VEPH1: variants seen among roughly 807,000 people sequenced by gnomAD.
VEPH1 encodes ventricular zone-expressed PH domain-containing protein homolog 1.
In VEPH1, 80 loss-of-function variants were observed where a neutral mutation model predicts 85.2. The ratio of observed to expected loss-of-function variants is 0.94; its 90% CI spans 0.78 to 1.13. The LOEUF is 1.13. Ranked by LOEUF, VEPH1 falls within the 50% of genes most tolerant of loss-of-function variation. The pLI, the probability that VEPH1 is intolerant of heterozygous loss-of-function variation, is 0.00. For missense variants in VEPH1, 955 were observed against 980.5 expected (o/e 0.97, Z 0.35); for synonymous variants, 297 against 348.0 (o/e 0.85, Z 1.63).
At chr3:157,325,942 T>A (rs1296774495) in intron 9 of VEPH1, among the ~76,000 whole-genome samples, 1 of 152,230 alleles carries the variant, frequency 6.6e-6, no homozygotes, top group Non-Finnish European at 1.5e-5. Flanking sequence ...ATTTTCATGA[T>A]ATTGATTTTT....
At chr3:157,370,282 G>T (rs1166409160) in intron 7 of VEPH1, among the ~76,000 whole-genome samples, 2 of 152,104 alleles carry the variant, frequency 1.3e-5, no homozygotes, top group East Asian at 1.9e-4. Context: ...GCTGGCAGGG[G>T]GTGGAAAGAT....
chr3:157,407,259 G>T (rs1248509724), intron 6 of VEPH1, among the ~76,000 whole-genome samples: 1 of 152,140 alleles, frequency 6.6e-6, no homozygotes, highest in Non-Finnish European at 1.5e-5. Flanking sequence ...TAGTTTAAGA[G>T]TTTTTAAAAA....
chr3:157,360,335 G>A (rs760023821), intron 9 of VEPH1, among the ~76,000 whole-genome samples: 3 of 152,108 alleles, frequency 2.0e-5, no homozygotes, highest in Non-Finnish European at 2.9e-5. Flanking sequence ...AGGAAATTCC[G>A]AGAGTATGAA....
intron 13 of VEPH1, among the ~76,000 whole-genome samples, chr3:157,262,872 A>G (rs1225918269): frequency 1.3e-5 from 2 of 152,208 alleles, no homozygotes; most frequent in Non-Finnish European, 2.9e-5. Context: ...AATTTGGTTT[A>G]CAGTAAGTAT....
rs148289754 is a variant in VEPH1 at position 157,477,373 on chromosome 3, C to A, written c.139-6844G>T. On this transcript the variant is annotated intron_variant, in intron 2 of 13. Transcript: ENST00000362010. ...CCCTTGATTATATTGGGCCCACCCA[C>A]ATAATCCAAGATGATCTCCCAATCT... 6.0e-3 allele frequency among the ~76,000 whole-genome samples: 909 copies of A among 152,194 alleles called. 33 individuals carry two copies. The highest frequency in any genetic ancestry group is 0.056 in the Admixed American group (849 of 15,278).
chr3:157,265,676 C>A lies in VEPH1; in HGVS notation c.2129-14G>T, dbSNP rs6798603. 4.7e-3 allele frequency: 7,598 copies of A among 1,611,712 alleles called. 305 individuals are homozygous for A. In the African/African-American group the frequency reaches 0.089, roughly 19 times the overall value. On this transcript the variant is annotated splice_polypyrimidine_tract_variant and intron_variant, in intron 12 of 13. Transcript: ENST00000362010. ...CTTGATTTACAACTGTTGAAGGTAG[C>A]AGAATAATCATGCCATGTATTTTCC...
intron 1 of VEPH1, 63 bp from the exon 2 acceptor site, chr3:157,495,569 A>G: frequency 2.7e-6 from 3 of 1,108,708 alleles, no homozygotes; most frequent in Non-Finnish European, 3.6e-6. Flanking sequence ...CAGAATGTGA[A>G]CTCAGTGTCC....
intron 9 of VEPH1, among the ~76,000 whole-genome samples, chr3:157,354,986 T>G (rs867038236): frequency 3.3e-5 from 5 of 152,134 alleles, no homozygotes; most frequent in Admixed American, 2.0e-4. Context: ...CTCACTTCAC[T>G]TCACTGCTCC....
intron 12 of VEPH1, among the ~76,000 whole-genome samples, chr3:157,269,857 G>C (rs1224346785): frequency 6.6e-6 from 1 of 152,008 alleles, no homozygotes; most frequent in Non-Finnish European, 1.5e-5. Context: ...GTATGATCAT[G>C]TATCATCTAA....
intron 2 of VEPH1, among the ~76,000 whole-genome samples, chr3:157,481,990 G>A (rs1381366257): frequency 5.9e-5 from 9 of 152,116 alleles, no homozygotes; most frequent in Admixed American, 5.9e-4. Flanking sequence ...TAGGTGTGCA[G>A]CTTTATTTCT....
At chr3:157,502,874 T>C (rs2109803125) in intron 1 of VEPH1, among the ~76,000 whole-genome samples, 1 of 152,354 alleles carries the variant, frequency 6.6e-6, no homozygotes, top group Middle Eastern at 3.4e-3. Context: ...TATTTAATTT[T>C]CTTTGAAAAT....
intron 2 of VEPH1, among the ~76,000 whole-genome samples, chr3:157,488,023 G>C (rs144771281): frequency 4.3e-4 from 65 of 152,170 alleles, no homozygotes; most frequent in Non-Finnish European, 8.4e-4. Flanking sequence ...AGCTAGTCAG[G>C]ATATGAGACA....
chr3:157,380,786 C>T (rs1034919592), intron 7 of VEPH1, among the ~76,000 whole-genome samples: 1 of 152,144 alleles, frequency 6.6e-6, no homozygotes, highest in Non-Finnish European at 1.5e-5. Context: ...ATACAAGAAA[C>T]CTGCTATTAT....
chr3:157,427,672 C>T (rs1732854512), intron 5 of VEPH1, among the ~76,000 whole-genome samples: 1 of 152,076 alleles, frequency 6.6e-6, no homozygotes, highest in South Asian at 2.1e-4. Context: ...CCAGGCTGGC[C>T]TCAAACTACT....
intron 2 of VEPH1, among the ~76,000 whole-genome samples, chr3:157,472,217 C>T (rs530802902): frequency 1.3e-5 from 2 of 152,288 alleles, no homozygotes; most frequent in South Asian, 2.1e-4. Flanking sequence ...ATCATCTCTA[C>T]TTTTTTCCAG....
At chr3:157,369,193 A>AAAC (rs1560001295) in intron 7 of VEPH1, among the ~76,000 whole-genome samples, 1 of 140,572 alleles carries the variant, frequency 7.1e-6, no homozygotes, top group African/African-American at 2.6e-5. Context: ...AAAAAAAAAA[A>AAAC]AAAAAAAAAA....
intron 7 of VEPH1, among the ~76,000 whole-genome samples, chr3:157,369,201 A>C (rs955254084): frequency 2.0e-5 from 3 of 147,410 alleles, no homozygotes; most frequent in African/African-American, 7.6e-5. Context: ...AAAAAAAAAA[A>C]AAACCTCCTG....
chr3:157,401,195 C>A (rs1379016064), intron 6 of VEPH1, among the ~76,000 whole-genome samples: 1 of 152,026 alleles, frequency 6.6e-6, no homozygotes, highest in African/African-American at 2.4e-5. Flanking sequence ...CTGGCCCAAT[C>A]ATGGAAATCA....
chr3:157,450,048 C>CTT (rs761761440), intron 4 of VEPH1, among the ~76,000 whole-genome samples: 2,775 of 77,124 alleles, frequency 0.036, 125 homozygotes, highest in East Asian at 0.064. Context: ...AGAATATTTA[C>CTT]TTTTTTTTTT....
Sources: allele counts gnomAD v4.1 joint callset (sites outside exome capture counted in the v4.1 genomes callset), GRCh38; gene constraint gnomAD v4.1.1; transcripts MANE v1.5; gene names NCBI Gene and HGNC (gene_info 2026-07-23, HGNC 2026-07-21).